The following ADPRHL1 variants were observed in gnomAD, a reference collection of about 807,000 sequenced individuals.
ADPRHL1 encodes the protein ADP-ribosylhydrolase like 1.
In ADPRHL1, 43 loss-of-function variants were observed where a neutral mutation model predicts 44.1. The observed-to-expected ratio is 0.98, with a 90% CI of 0.76 to 1.26. ADPRHL1 has a LOEUF of 1.26. Among genes scored for constraint, ADPRHL1 ranks in the 50% most tolerant of loss-of-function variants. The pLI, the probability that ADPRHL1 is intolerant of heterozygous loss-of-function variation, is 0.00. For missense variants in ADPRHL1, 2,022 were observed against 2,496.9 expected, an observed-to-expected ratio of 0.81 and a Z score of 4.05; for synonymous variants, 878 against 1,017.4, an observed-to-expected ratio of 0.86 and a Z score of 2.61.
intron 7 of ADPRHL1, among the ~76,000 whole-genome samples, chr13:113,410,361 C>T (rs1000512422): frequency 2.6e-5 from 4 of 152,150 alleles, no homozygotes; most frequent in African/African-American, 9.7e-5. Flanking sequence ...GGGGAGGGGC[C>T]TGGGAATCTG....
At position 113,407,733 on chromosome 13, in the gene ADPRHL1, C is replaced by A; in HGVS notation, c.1549G>T (p.Ala517Ser). ...KIFLAAEEKE[A>S]KEKEAREKPP... ...TTCTCGCGTGCTTCTTTCTCCTTCG[C>A]CTCCTTCTCCTCGGCGGCCAAGAAT... Residue 517 changes from alanine (A) to serine (S), a missense_variant, in exon 8 of 8, where the codon GCG (alanine) becomes TCG (serine). By Grantham distance (99) the Ala-to-Ser change is moderately conservative. This residue lies in a region of ADPRHL1 where 1,221 missense variants were observed against 1,517.8 expected (regional missense o/e 0.80). Coordinates refer to ENST00000612156, the MANE Select transcript of ADPRHL1 (RefSeq NM_001394807.1). The A allele has an allele frequency of 8.1e-7, 1 of 1,232,144 alleles. No individual in the cohort carries two copies. The highest frequency in any genetic ancestry group is 1.0e-6 in the Non-Finnish European group (1 of 988,052). The allele number at this position is 1,232,144 out of a possible 1,614,324, so 76.3% of individuals were successfully genotyped here.
At chr13:113,442,622 A>G (rs2044107008) in intron 2 of ADPRHL1, among the ~76,000 whole-genome samples, 1 of 152,158 alleles carries the variant, frequency 6.6e-6, no homozygotes, top group South Asian at 2.1e-4. Context: ...CTGGCCTTCA[A>G]GATTCTTCTT....
At chr13:113,412,515 C>G (rs2043859948) in intron 7 of ADPRHL1, among the ~76,000 whole-genome samples, 1 of 152,250 alleles carries the variant, frequency 6.6e-6, no homozygotes, top group African/African-American at 2.4e-5. Context: ...GTGCACTTTT[C>G]AACAAGTCAC....
rs1595536175 is a variant in ADPRHL1 at position 113,406,822 on chromosome 13, G to A, written c.2460C>T (p.Ile820=). The change falls in exon 8 of 8, where the codon ATC becomes ATT. Residue 820 remains isoleucine (I), a synonymous_variant. Transcript: ENST00000612156. ...GGACCGATGGAGCGTTCAGGGGTGG[G>A]ATGTGCTCCGGCACCTTCTGTTCTG... is the stretch of plus-strand genomic sequence containing the variant. ...YFPEQKVPEH[I]PPLNAPSVQA... The A allele has an allele frequency of 5.7e-6, 7 of 1,231,974 alleles. No individual in the cohort carries two copies. In the Middle Eastern group the frequency reaches 9.3e-4, roughly 163 times the overall value. 76.3% of individuals were successfully genotyped at this position (1,231,974 alleles called of 1,614,324 possible). A position where few individuals can be genotyped will look rare whatever the true frequency, so the allele number is the denominator to read the frequency against.
At chr13:113,450,922 T>G (rs968377814) in intron 1 of ADPRHL1, among the ~76,000 whole-genome samples, 1 of 150,650 alleles carries the variant, frequency 6.6e-6, no homozygotes, top group Non-Finnish European at 1.5e-5. Flanking sequence ...GGAAGAGCAG[T>G]CTTCTCTAAA....
chr13:113,431,514 G>C (rs1371551191), intron 3 of ADPRHL1, among the ~76,000 whole-genome samples: 1 of 152,242 alleles, frequency 6.6e-6, no homozygotes, highest in South Asian at 2.1e-4. Flanking sequence ...CCCCGCGCAG[G>C]GTGGCTGCAG....
intron 7 of ADPRHL1, among the ~76,000 whole-genome samples, chr13:113,415,279 C>T (rs1378233555): frequency 6.6e-6 from 1 of 152,130 alleles, no homozygotes; most frequent in Non-Finnish European, 1.5e-5. Context: ...CGCCTGCCCG[C>T]GATGTGGTCC....
chr13:113,452,702 T>G (rs1461248977), intron 1 of ADPRHL1, among the ~76,000 whole-genome samples: 1 of 152,270 alleles, frequency 6.6e-6, no homozygotes, highest in African/African-American at 2.4e-5. Context: ...CTGAACCATT[T>G]TGGGAGATGA....
intron 7 of ADPRHL1, chr13:113,421,820 C>T (rs2043925708): frequency 6.6e-6 from 1 of 152,270 alleles, no homozygotes; most frequent in African/African-American, 2.4e-5. Flanking sequence ...CTTTCTGCCC[C>T]AGTGCCTTCT....
Position 113,422,925 on chromosome 13 carries a change from C to G in ADPRHL1, c.962G>C (p.Gly321Ala). ...IAGCLFGLLYGLDLVPKGLYQ... is the reference protein window; with the variant it reads ...IAGCLFGLLYALDLVPKGLYQ... Reference sequence around the variant, plus strand: ...CAAGCCTTTGGGAACGAGGTCCAGGCCGTACAGCAACCCGAACAGGCAGCC... The same window carrying G: ...CAAGCCTTTGGGAACGAGGTCCAGGGCGTACAGCAACCCGAACAGGCAGCC... The change falls in exon 7 of 8, where the codon GGC becomes GCC. Residue 321 changes from glycine to alanine, a missense_variant. Transcript: ENST00000612156. The G allele has an allele frequency of 6.2e-7, 1 of 1,612,968 alleles. No homozygotes were observed. The highest frequency in any genetic ancestry group is 8.5e-7 in the Non-Finnish European group (1 of 1,179,994).
chr13:113,450,792 G>A (rs2044172695), intron 1 of ADPRHL1, among the ~76,000 whole-genome samples: 1 of 152,186 alleles, frequency 6.6e-6, no homozygotes, highest in South Asian at 2.1e-4. Flanking sequence ...CAGGTGTACA[G>A]GATGGAACAT....
chr13:113,407,051 G>A lies in ADPRHL1; in HGVS notation c.2231C>T (p.Ala744Val). 8.1e-7 allele frequency: 1 copy of A among 1,232,270 alleles called. No individual in the cohort carries two copies. Among genetic ancestry groups the A allele is most frequent in the Non-Finnish European group, 1.0e-6 (1 of 988,072 alleles). 76.3% of individuals were successfully genotyped at this position (1,232,270 alleles called of 1,614,324 possible). Residue 744 changes from alanine to valine, a missense_variant, in exon 8 of 8, where the codon GCA becomes GTA. Physicochemically the swap from Ala to Val is moderately conservative, Grantham distance 64 (BLOSUM62 0). This residue lies in a region of ADPRHL1 where 1,221 missense variants were observed against 1,517.8 expected (regional missense o/e 0.80). Transcript: ENST00000612156. ...TGCGGTGCTCTCTGCGGTGGGGTCT[G>A]CAGTCCCATCACCTCCGGCTGATCC... ...GTGSAGGDGTADPTAESTAGG... is the reference protein window; with the variant it reads ...GTGSAGGDGTVDPTAESTAGG...
chr13:113,447,612 GTGT>G (rs2044151855), intron 1 of ADPRHL1, among the ~76,000 whole-genome samples: 1 of 152,218 alleles, frequency 6.6e-6, no homozygotes, highest in Non-Finnish European at 1.5e-5. Context: ...TGCACACATG[GTGT>G]TGTGTGCATG....
intron 1 of ADPRHL1, chr13:113,448,872 G>A (rs986829396): frequency 7.9e-6 from 7 of 887,526 alleles, no homozygotes; most frequent in African/African-American, 1.8e-5. Flanking sequence ...CCCTGGGAGG[G>A]AAGCCACTTC....
chr13:113,425,214 G>A, intron 4 of ADPRHL1, 35 bp from the exon 5 acceptor site: 2 of 1,358,416 alleles, frequency 1.5e-6, no homozygotes, highest in Non-Finnish European at 2.0e-6. Flanking sequence ...TGAACACAAT[G>A]GCATCCATGG....
In ADPRHL1 at chr13:113,407,270, C is replaced by A. The variant is rs1004188115; in HGVS notation, c.2012G>T (p.Gly671Val). 1.6e-6 allele frequency: 2 copies of A among 1,232,012 alleles called. No individual in the cohort carries two copies. The highest frequency in any genetic ancestry group is 3.1e-5 in the African/African-American group (2 of 64,438). 76.3% of individuals were successfully genotyped at this position (1,232,012 alleles called of 1,614,324 possible). A position where few individuals can be genotyped will look rare whatever the true frequency, so the allele number is the denominator to read the frequency against. ...GGGCTCCTCCTCCAGGGGCCCCTTT[C>A]CCACTGCTTTGTTCCCACTGGGCCC... is the stretch of plus-strand genomic sequence containing the variant. ...ETGPSGNKAV[G>V]KGPLEEEPQR... The change falls in exon 8 of 8, where the codon GGA becomes GTA. Residue 671 changes from glycine to valine, a missense_variant. By Grantham distance (109) the Gly-to-Val change is moderately radical (BLOSUM62 -3). This residue lies in a region of ADPRHL1 where 1,221 missense variants were observed against 1,517.8 expected (regional missense o/e 0.80). Coordinates refer to ENST00000612156, the MANE Select transcript of ADPRHL1 (RefSeq NM_001394807.1).
Position 113,401,965 on chromosome 13 carries a change from G to A in ADPRHL1, c.*1413C>T, listed in dbSNP as rs1335025889. 2 of 152,392 alleles carry A rather than the reference G, an allele frequency of 1.3e-5. No individual in the cohort carries two copies. The highest frequency in any genetic ancestry group is 1.5e-5 in the Non-Finnish European group (1 of 68,048). 9.4% of individuals were successfully genotyped at this position (152,392 alleles called of 1,614,324 possible). ...AACACCTTCCTCTAAAGGAACATCC[G>A]AGTCAGAAAACAGGTGCTCGCAGCA... On this transcript the variant is annotated 3_prime_UTR_variant, in exon 8 of 8. Coordinates refer to ENST00000612156, the MANE Select transcript of ADPRHL1 (RefSeq NM_001394807.1). The surrounding 1 kb of genome is among the most constrained non-coding windows in gnomAD (Gnocchi z 5.5).
At chr13:113,448,568 T>C (rs907255693) in intron 1 of ADPRHL1, among the ~76,000 whole-genome samples, 4 of 149,046 alleles carry the variant, frequency 2.7e-5, no homozygotes, top group African/African-American at 1.0e-4. Flanking sequence ...TGTAGCAAAA[T>C]GTCAACTGTT....
At position 113,409,079 on chromosome 13, in the gene ADPRHL1, AGT is replaced by A. The variant is rs1566465871; in HGVS notation, c.1062-861_1062-860del. On this transcript the variant is annotated intron_variant, in intron 7 of 7. Coordinates refer to ENST00000612156, the MANE Select transcript of ADPRHL1 (RefSeq NM_001394807.1). The surrounding 1 kb of genome is among the most constrained non-coding windows in gnomAD (Gnocchi z 4.2). ...AGGCTGGGGGCTGCCGCCCTTTCCCAGTGAGATGTTTTTCTGCAGGTTCACCA... is the reference window on the plus strand; with the variant it reads ...AGGCTGGGGGCTGCCGCCCTTTCCCAGAGATGTTTTTCTGCAGGTTCACCA... Among the ~76,000 whole-genome samples the A allele has an allele frequency of 6.6e-6, 1 of 152,176 alleles. No individual in the cohort carries two copies.
Sources: allele counts gnomAD v4.1 joint callset (sites outside exome capture counted in the v4.1 genomes callset), GRCh38; gene constraint gnomAD v4.1.1; regional missense constraint gnomAD v4.1.1; non-coding constraint Gnocchi (gnomAD v3.1); transcripts MANE v1.5; gene names NCBI Gene and HGNC (gene_info 2026-07-23, HGNC 2026-07-21).